ZFHX3: variants seen among roughly 807,000 people sequenced by gnomAD.
The protein encoded by ZFHX3 is zinc finger homeobox 3.
ZFHX3 carries 42 observed loss-of-function variants against 279.1 expected under a neutral mutation model. The observed-to-expected ratio is 0.15, with a 90% CI of 0.12 to 0.19. The LOEUF is 0.19. ZFHX3 is among the 10% of genes least tolerant of loss of function. ZFHX3 has a pLI of 1.00. For missense variants in ZFHX3, 4,981 were observed against 4,754.0 expected (o/e 1.05, Z -1.40); for synonymous variants, 2,293 against 1,957.8 (o/e 1.17, Z -4.52).
In ZFHX3 at chr16:73,148,448, A is replaced by G. The variant is rs543298220; in HGVS notation, c.-1103-4617T>C. Among the ~76,000 whole-genome samples the G allele has an allele frequency of 4.6e-5, 7 of 151,616 alleles. No individual in the cohort carries two copies. In the South Asian group the frequency reaches 1.3e-3, roughly 27 times the overall value. On this transcript the variant is annotated intron_variant, in intron 5 of 17. Coordinates refer to the ZFHX3 transcript ENST00000641206. ...GGTTCCATGCAGCAATTTGAAAACT[A>G]TGAACTGGATAATCTCTGGATACTT...
intron 2 of ZFHX3, among the ~76,000 whole-genome samples, chr16:73,625,958 T>C (rs1597034465): frequency 6.6e-6 from 1 of 152,168 alleles, no homozygotes; most frequent in African/African-American, 2.4e-5. Flanking sequence ...CCCGGGTTCA[T>C]GCCATTCTTC....
At chr16:73,767,825 C>A (rs1460345686) in intron 1 of ZFHX3, among the ~76,000 whole-genome samples, 1 of 152,156 alleles carries the variant, frequency 6.6e-6, no homozygotes, top group African/African-American at 2.4e-5. Context: ...TAGTAGTACC[C>A]ATTTGTACCA....
intron 2 of ZFHX3, among the ~76,000 whole-genome samples, chr16:73,666,898 C>T (rs187075532): frequency 2.0e-5 from 3 of 152,098 alleles, no homozygotes; most frequent in Non-Finnish European, 4.4e-5. Flanking sequence ...TCACTTAACA[C>T]AATGCCTATG....
chr16:72,905,586 C>T (rs1465615328), intron 3 of ZFHX3, among the ~76,000 whole-genome samples: 2 of 152,146 alleles, frequency 1.3e-5, no homozygotes, highest in Admixed American at 1.3e-4. Context: ...CCGCAGATGC[C>T]TCCCAGGGGG....
intron 3 of ZFHX3, among the ~76,000 whole-genome samples, chr16:72,924,952 G>A (rs1456227398): frequency 6.6e-6 from 1 of 152,192 alleles, no homozygotes; most frequent in Non-Finnish European, 1.5e-5. Flanking sequence ...AAACGGAGAA[G>A]GCAGATGGGT....
At chr16:72,882,259 G>A (rs975804894) in intron 4 of ZFHX3, among the ~76,000 whole-genome samples, 9 of 148,652 alleles carry the variant, frequency 6.1e-5, no homozygotes, top group Admixed American at 2.0e-4. Flanking sequence ...AGTGGGCAGC[G>A]TTGGGCACGT....
At chr16:73,586,417 CA>C in intron 2 of ZFHX3, among the ~76,000 whole-genome samples, 1 of 142,678 alleles carries the variant, frequency 7.0e-6, no homozygotes, top group South Asian at 2.2e-4. Flanking sequence ...AACAAACAAA[CA>C]AACAAACAAA....
At chr16:72,904,555 T>C (rs536732261) in intron 3 of ZFHX3, among the ~76,000 whole-genome samples, 1 of 151,992 alleles carries the variant, frequency 6.6e-6, no homozygotes, top group Non-Finnish European at 1.5e-5. Flanking sequence ...CAGATTTCAA[T>C]CCTCCACTCC....
intron 1 of ZFHX3, among the ~76,000 whole-genome samples, chr16:73,839,530 C>A (rs1019121344): frequency 2.6e-5 from 4 of 152,012 alleles, no homozygotes; most frequent in African/African-American, 9.7e-5. Context: ...AAAATCAAAT[C>A]ATCTTAGAAA....
chr16:72,843,419 G>A (rs2037395582), intron 4 of ZFHX3, among the ~76,000 whole-genome samples: 1 of 151,302 alleles, frequency 6.6e-6, no homozygotes, highest in Non-Finnish European at 1.5e-5. Flanking sequence ...GCTGAGGCAG[G>A]AGAATGGCGT....
intron 3 of ZFHX3, among the ~76,000 whole-genome samples, chr16:73,414,398 G>A (rs1341837511): frequency 6.6e-6 from 1 of 152,244 alleles, no homozygotes; most frequent in Non-Finnish European, 1.5e-5. Flanking sequence ...TGTCTGTAAA[G>A]AACTAAACTT....
chr16:72,798,160 TGCCCGTTGG>T lies in ZFHX3; in HGVS notation c.4513_4521del (p.Pro1505_Gly1507del), dbSNP rs755163464. ...TCTTCTTGTACTGACCCAGAGTCAC[TGCCCGTTGG>T]GCTCTGTTTATCTTCCAAGTCACTC... On this transcript the variant is annotated inframe_deletion, in exon 9 of 10. Coordinates refer to ENST00000268489, the MANE Select transcript of ZFHX3 (RefSeq NM_006885.4). 17 of 1,614,112 alleles carry T rather than the reference TGCCCGTTGG, an allele frequency of 1.1e-5. No individual in the cohort carries two copies. The highest frequency in any genetic ancestry group is 1.3e-5 in the African/African-American group (1 of 74,936).
At chr16:73,027,963 C>G (rs1023674996) in intron 1 of ZFHX3, among the ~76,000 whole-genome samples, 1 of 152,168 alleles carries the variant, frequency 6.6e-6, no homozygotes, top group African/African-American at 2.4e-5. Flanking sequence ...CCATATTTCA[C>G]AGAGCCGGGC....
chr16:73,306,139 C>T (rs924693551), intron 4 of ZFHX3, among the ~76,000 whole-genome samples: 1 of 152,148 alleles, frequency 6.6e-6, no homozygotes. Flanking sequence ...TGTTCTACTG[C>T]GTACCTACTG....
chr16:73,009,767 T>G (rs1393361761), intron 1 of ZFHX3, among the ~76,000 whole-genome samples: 1 of 152,162 alleles, frequency 6.6e-6, no homozygotes, highest in African/African-American at 2.4e-5. Flanking sequence ...ACACCTGTAA[T>G]TCCAGCACTT....
intron 3 of ZFHX3, among the ~76,000 whole-genome samples, chr16:73,364,074 G>A (rs2016485128): frequency 6.6e-6 from 1 of 151,980 alleles, no homozygotes; most frequent in South Asian, 2.1e-4. Context: ...TTGGGAGGCT[G>A]ACACACAAGA....
intron 2 of ZFHX3, among the ~76,000 whole-genome samples, chr16:73,540,391 G>A (rs2019989826): frequency 6.6e-6 from 1 of 152,184 alleles, no homozygotes; most frequent in African/African-American, 2.4e-5. Flanking sequence ...GTAAGAAACT[G>A]CAAAGGAAAT....
intron 2 of ZFHX3, among the ~76,000 whole-genome samples, chr16:73,572,182 A>AAC (rs1555525499): frequency 1.3e-5 from 2 of 151,748 alleles, no homozygotes; most frequent in Non-Finnish European, 2.9e-5. Context: ...AAAAAAAAAA[A>AAC]AAAACTTTTT....
intron 4 of ZFHX3, among the ~76,000 whole-genome samples, chr16:73,265,319 T>G (rs957611648): frequency 6.6e-6 from 1 of 152,060 alleles, no homozygotes; most frequent in Admixed American, 6.6e-5. Context: ...GGAGGAGCCA[T>G]GCTGATGGGA....
Sources: gnomAD v4.1 joint callset for allele counts (sites outside exome capture counted in the v4.1 genomes callset) on GRCh38, gnomAD v4.1.1 for gene constraint, MANE v1.5 for transcripts, NCBI Gene and HGNC (gene_info 2026-07-23, HGNC 2026-07-21) for gene names.